Variants in SCFD1 observed in about 807,000 individuals in gnomAD.
The protein encoded by SCFD1 is sec1 family domain containing 1, also known as sec1 family domain-containing protein 1.
Under a neutral mutation model 103.2 loss-of-function variants are expected in SCFD1, and 37 were observed. The observed-to-expected ratio is 0.36, with a 90% CI of 0.28 to 0.47. The LOEUF (loss-of-function observed/expected upper bound fraction) is 0.47. SCFD1 is among the 20% of genes least tolerant of loss of function. The probability of loss-of-function intolerance (pLI) is 1.00; values close to 1 mark genes in which losing one functional copy is unlikely to be tolerated. For missense variants in SCFD1, 639 were observed against 761.2 expected (o/e 0.84, Z 1.89); for synonymous variants, 264 against 245.0 (o/e 1.08, Z -0.73).
intron 6 of SCFD1, among the ~76,000 whole-genome samples, chr14:30,642,246 C>T (rs1436687805): frequency 6.6e-6 from 1 of 152,132 alleles, no homozygotes; most frequent in Non-Finnish European, 1.5e-5. Flanking sequence ...TGCCACCACA[C>T]CTGGCTAATT....
intron 23 of SCFD1, among the ~76,000 whole-genome samples, chr14:30,729,389 G>T (rs1893283076): frequency 6.6e-6 from 1 of 152,162 alleles, no homozygotes; most frequent in Admixed American, 6.6e-5. Flanking sequence ...AATATGGTAT[G>T]AAGATCCAGT....
intron 23 of SCFD1, among the ~76,000 whole-genome samples, chr14:30,733,127 A>G (rs1481986701): frequency 6.6e-6 from 1 of 151,282 alleles, no homozygotes; most frequent in Non-Finnish European, 1.5e-5. Context: ...CTCCTGCCTT[A>G]GCCTCCTGGG....
At position 30,630,530 on chromosome 14, in the gene SCFD1, G is replaced by A; in HGVS notation, c.186G>A (p.Val62=). The A allele has an allele frequency of 6.2e-7, 1 of 1,603,696 alleles. No homozygotes were observed. ...GQDIISPLLS[V]KELRDMGITL... Reference sequence around the variant, plus strand: ...ATATAATCTCTCCTCTGCTATCTGTGAAGGAGCTAAGAGACATGGGAATCA... The same window carrying A: ...ATATAATCTCTCCTCTGCTATCTGTAAAGGAGCTAAGAGACATGGGAATCA... The change falls in exon 3 of 25, where the codon GTG becomes GTA. Residue 62 remains valine (V), a synonymous_variant. Transcript: ENST00000458591.
chr14:30,711,684 C>T (rs187118319), intron 19 of SCFD1, among the ~76,000 whole-genome samples: 6 of 152,116 alleles, frequency 3.9e-5, no homozygotes, highest in Admixed American at 3.3e-4. Flanking sequence ...GAATAAATCA[C>T]TGTTAATTAT....
intron 10 of SCFD1, among the ~76,000 whole-genome samples, chr14:30,664,729 C>T (rs567903880): frequency 8.2e-4 from 125 of 152,178 alleles, no homozygotes; most frequent in African/African-American, 2.6e-3. Context: ...AACCATGGCA[C>T]GAGAACTACG....
At chr14:30,668,843 A>T (rs1248493760) in intron 10 of SCFD1, among the ~76,000 whole-genome samples, 1 of 152,232 alleles carries the variant, frequency 6.6e-6, no homozygotes, top group Non-Finnish European at 1.5e-5. Flanking sequence ...AATGAAAACC[A>T]CAATGAGATA....
At chr14:30,713,775 A>G (rs1347255636) in intron 19 of SCFD1, among the ~76,000 whole-genome samples, 1 of 152,218 alleles carries the variant, frequency 6.6e-6, no homozygotes, top group Non-Finnish European at 1.5e-5. Context: ...AGAAATTGAT[A>G]TAAAGCTCTC....
At chr14:30,676,971 G>A (rs1299243707) in intron 14 of SCFD1, among the ~76,000 whole-genome samples, 2 of 152,116 alleles carry the variant, frequency 1.3e-5, no homozygotes, top group Admixed American at 6.5e-5. Flanking sequence ...TGCTAACAGA[G>A]GCCATCTGTC....
intron 18 of SCFD1, among the ~76,000 whole-genome samples, chr14:30,706,099 A>G (rs1157282662): frequency 2.0e-5 from 3 of 151,998 alleles, no homozygotes; most frequent in African/African-American, 7.3e-5. Context: ...TATGGGGTAC[A>G]GTGTGCTAAT....
intron 10 of SCFD1, among the ~76,000 whole-genome samples, chr14:30,664,745 C>T (rs1213855342): frequency 6.6e-6 from 1 of 152,052 alleles, no homozygotes; most frequent in Non-Finnish European, 1.5e-5. Context: ...CTACGTGATG[C>T]ATGCACAAGC....
Position 30,735,828 on chromosome 14 carries a change from A to G in SCFD1, c.*219A>G. ...CAACATTGTTCATTTTCTCTGATAAATCAGAAAGTACTAATATAATAACTA... is the reference window on the plus strand; with the variant it reads ...CAACATTGTTCATTTTCTCTGATAAGTCAGAAAGTACTAATATAATAACTA... On this transcript the variant is annotated 3_prime_UTR_variant, in exon 25 of 25. Coordinates refer to ENST00000458591, the MANE Select transcript of SCFD1 (RefSeq NM_016106.4). 1 of 433,688 alleles carries G rather than the reference A, an allele frequency of 2.3e-6. No individual in the cohort carries two copies. The highest frequency in any genetic ancestry group is 4.9e-5 in the South Asian group (1 of 20,496). 26.9% of individuals were successfully genotyped at this position (433,688 alleles called of 1,614,324 possible).
intron 21 of SCFD1, among the ~76,000 whole-genome samples, chr14:30,721,337 C>T (rs765170424): frequency 7.2e-5 from 11 of 151,770 alleles, no homozygotes; most frequent in Non-Finnish European, 1.2e-4. Context: ...AGTCTAGACT[C>T]GCAAAAGCTT....
Position 30,735,698 on chromosome 14 carries a change from T to A in SCFD1, c.*89T>A. On this transcript the variant is annotated 3_prime_UTR_variant, in exon 25 of 25. Coordinates refer to ENST00000458591, the MANE Select transcript of SCFD1 (RefSeq NM_016106.4). ...TAGAAGAGCAATATGTTTCCTTCTCTGTAACAGTGTCCTAACAGTGAAAAT... is the reference window on the plus strand; with the variant it reads ...TAGAAGAGCAATATGTTTCCTTCTCAGTAACAGTGTCCTAACAGTGAAAAT... 1.1e-6 allele frequency: 1 copy of A among 909,952 alleles called. No individual in the cohort carries two copies. The highest frequency in any genetic ancestry group is 2.6e-5 in the East Asian group (1 of 39,054). The allele number at this position is 909,952 out of a possible 1,614,324, so 56.4% of individuals were successfully genotyped here. A position where few individuals can be genotyped will look rare whatever the true frequency, so the allele number is the denominator to read the frequency against.
chr14:30,660,496 TC>T (rs1175034235), intron 10 of SCFD1, among the ~76,000 whole-genome samples: 1 of 152,196 alleles, frequency 6.6e-6, no homozygotes, highest in Non-Finnish European at 1.5e-5. Context: ...TCTCCATAAA[TC>T]TTTTACCTAA....
intron 9 of SCFD1, among the ~76,000 whole-genome samples, chr14:30,652,586 A>G (rs1886505750): frequency 6.6e-6 from 1 of 152,240 alleles, no homozygotes; most frequent in African/African-American, 2.4e-5. Flanking sequence ...TTTTCCCTGA[A>G]GCTGACAATA....
chr14:30,692,728 G>A (rs1175305862), intron 14 of SCFD1, among the ~76,000 whole-genome samples: 2 of 152,160 alleles, frequency 1.3e-5, no homozygotes, highest in African/African-American at 4.8e-5. Context: ...GGGCCTGAAA[G>A]TTAGTTTAAC....
chr14:30,717,033 G>A (rs1594756614), intron 20 of SCFD1, among the ~76,000 whole-genome samples: 1 of 152,244 alleles, frequency 6.6e-6, no homozygotes, highest in East Asian at 1.9e-4. Flanking sequence ...CCTAAGAGAG[G>A]TATACATTCA....
Position 30,664,588 on chromosome 14 carries a change from A to G in SCFD1, c.856-5668A>G, listed in dbSNP as rs116446736. Among the ~76,000 whole-genome samples, 555 of 152,242 alleles carry G rather than the reference A, an allele frequency of 3.6e-3. 7 individuals are homozygous for G. The highest frequency in any genetic ancestry group is 0.013 in the African/African-American group (525 of 41,550). On this transcript the variant is annotated intron_variant, in intron 10 of 24. Coordinates refer to ENST00000458591, the MANE Select transcript of SCFD1 (RefSeq NM_016106.4). ...AGGCTTCAGAAAGTCGATAATAACA[A>G]GTTTCTCCAAGCTGAAGGAGGATGT...
intron 10 of SCFD1, among the ~76,000 whole-genome samples, chr14:30,656,386 C>T (rs1247760928): frequency 1.3e-5 from 2 of 152,038 alleles, no homozygotes; most frequent in African/African-American, 2.4e-5. Context: ...GCACTGTGGA[C>T]CAGGATTTCT....
Sources: gnomAD v4.1 joint callset for allele counts (sites outside exome capture counted in the v4.1 genomes callset) on GRCh38, gnomAD v4.1.1 for gene constraint, MANE v1.5 for transcripts, NCBI Gene and HGNC (gene_info 2026-07-23, HGNC 2026-07-21) for gene names.